Variants in SEMA3D observed in about 807,000 individuals in gnomAD.
SEMA3D encodes semaphorin-3D.
Under a neutral mutation model 100.1 loss-of-function variants are expected in SEMA3D, and 84 were observed. The ratio of observed to expected loss-of-function variants is 0.84; its 90% CI spans 0.70 to 1.01. The LOEUF (loss-of-function observed/expected upper bound fraction) is 1.01. Among genes scored for constraint, SEMA3D ranks in the 50% least tolerant of loss-of-function variants. The pLI is 0.00. For missense variants in SEMA3D, 875 were observed against 934.1 expected (o/e 0.94, Z 0.82); for synonymous variants, 312 against 320.7 (o/e 0.97, Z 0.29).
intron 9 of SEMA3D, among the ~76,000 whole-genome samples, chr7:85,044,747 GT>G (rs1336293164): frequency 6.6e-6 from 1 of 151,994 alleles, no homozygotes; most frequent in Non-Finnish European, 1.5e-5. Context: ...GTAAACCACA[GT>G]TTAAAATCTA....
chr7:85,001,559 T>C (rs914850688), intron 18 of SEMA3D, among the ~76,000 whole-genome samples: 4 of 152,106 alleles, frequency 2.6e-5, no homozygotes, highest in African/African-American at 9.7e-5. Flanking sequence ...ATAATTTCAT[T>C]GTAATTTTTT....
At chr7:85,155,158 T>G (rs1790551015) in intron 1 of SEMA3D, among the ~76,000 whole-genome samples, 1 of 152,102 alleles carries the variant, frequency 6.6e-6, no homozygotes, top group Non-Finnish European at 1.5e-5. Flanking sequence ...GACATTTGCT[T>G]TATTATCACA....
chr7:85,098,207 A>G lies in SEMA3D; in HGVS notation c.152-242T>C, dbSNP rs187450652. Among the ~76,000 whole-genome samples the G allele has an allele frequency of 4.6e-5, 7 of 151,980 alleles. No individual in the cohort carries two copies. The East Asian group carries it at 9.7e-4, about 21-fold the overall frequency. ...GAATACATACAGCATAAAAGGGCCA[A>G]TATAGCTATATGTAATTACAGTTTT... On this transcript the variant is annotated intron_variant, in intron 3 of 18. Coordinates refer to ENST00000284136, the MANE Select transcript of SEMA3D (RefSeq NM_001384900.1).
chr7:85,172,079 G>A (rs1437353451), intron 1 of SEMA3D, among the ~76,000 whole-genome samples: 3 of 151,774 alleles, frequency 2.0e-5, no homozygotes, highest in Non-Finnish European at 4.4e-5. Flanking sequence ...ACTAGAAAGA[G>A]TACAAGAAAC....
chr7:85,067,330 A>G (rs1252815625), intron 7 of SEMA3D, among the ~76,000 whole-genome samples: 1 of 152,118 alleles, frequency 6.6e-6, no homozygotes, highest in Non-Finnish European at 1.5e-5. Context: ...CATTTCACAG[A>G]GCAGAATCAC....
intron 1 of SEMA3D, among the ~76,000 whole-genome samples, chr7:85,162,741 A>G (rs1459638659): frequency 1.3e-5 from 2 of 152,158 alleles, no homozygotes; most frequent in African/African-American, 4.8e-5. Flanking sequence ...TCAAGTTTCC[A>G]GAAACTGAAA....
intron 6 of SEMA3D, among the ~76,000 whole-genome samples, chr7:85,069,364 G>A (rs1318704671): frequency 6.6e-6 from 1 of 152,026 alleles, no homozygotes; most frequent in African/African-American, 2.4e-5. Context: ...TAAATAGCCT[G>A]GTTAAAAATT....
chr7:85,249,008 T>C, the SEMA3D span, among the ~76,000 whole-genome samples: 3 of 152,174 alleles, frequency 2.0e-5, no homozygotes, highest in Non-Finnish European at 4.4e-5. Flanking sequence ...CAATGTAGTT[T>C]AATTAGTTGT....
At chr7:85,118,270 A>AT (rs1789302245) in intron 3 of SEMA3D, among the ~76,000 whole-genome samples, 1 of 152,046 alleles carries the variant, frequency 6.6e-6, no homozygotes, top group African/African-American at 2.4e-5. Flanking sequence ...TTTCTTTTAA[A>AT]TTCTTGAACA....
At chr7:85,028,279 G>T in intron 12 of SEMA3D, 1 of 694,474 alleles carries the variant, frequency 1.4e-6, no homozygotes, top group South Asian at 1.5e-5. Context: ...TTACTTGAAT[G>T]ACTCTCAGCA....
intron 12 of SEMA3D, among the ~76,000 whole-genome samples, chr7:85,023,732 C>G (rs1324956579): frequency 6.6e-6 from 1 of 151,774 alleles, no homozygotes; most frequent in Admixed American, 6.6e-5. Flanking sequence ...TCTTAGGGAG[C>G]TGAAGATACT....
intron 9 of SEMA3D, among the ~76,000 whole-genome samples, chr7:85,055,469 T>C (rs1791281139): frequency 6.6e-6 from 1 of 151,660 alleles, no homozygotes; most frequent in Non-Finnish European, 1.5e-5. Context: ...ACTGTAATGT[T>C]TGAAAAATGT....
intron 18 of SEMA3D, among the ~76,000 whole-genome samples, chr7:85,002,747 T>C (rs1483526544): frequency 6.6e-6 from 1 of 152,170 alleles, no homozygotes; most frequent in Non-Finnish European, 1.5e-5. Context: ...ATTTGCCTAA[T>C]GTGAACAAGG....
At chr7:85,024,652 CT>C in intron 12 of SEMA3D, among the ~76,000 whole-genome samples, 1 of 151,978 alleles carries the variant, frequency 6.6e-6, no homozygotes, top group Non-Finnish European at 1.5e-5. Flanking sequence ...CTTATGGCAG[CT>C]TTTCCTCATG....
In SEMA3D at chr7:84,999,532, G is replaced by C. The variant is rs1789594632; in HGVS notation, c.2242C>G (p.Pro748Ala). Residue 748 changes from proline (P) to alanine (A), a missense_variant, in exon 19 of 19, where the codon CCA becomes GCA. By Grantham distance (27) the Pro-to-Ala change is conservative (BLOSUM62 -1). Coordinates refer to ENST00000284136, the MANE Select transcript of SEMA3D (RefSeq NM_001384900.1). ...EKRRQRNKGG[P>A]KWKHMQEMKK... is the part of the protein sequence containing the mutation. Reference sequence around the variant, plus strand: ...ATTTCCTGCATGTGCTTCCACTTTGGGCCCCCCTTGTTTCTCTGTCTCCGC... The same window carrying C: ...ATTTCCTGCATGTGCTTCCACTTTGCGCCCCCCTTGTTTCTCTGTCTCCGC... The C allele has an allele frequency of 6.2e-7, 1 of 1,613,790 alleles. No individual in the cohort carries two copies. Among genetic ancestry groups the C allele is most frequent in the African/African-American group, 1.3e-5 (1 of 74,826 alleles).
At chr7:85,138,919 T>C (rs1320639325) in intron 2 of SEMA3D, among the ~76,000 whole-genome samples, 2 of 151,900 alleles carry the variant, frequency 1.3e-5, no homozygotes, top group African/African-American at 4.8e-5. Context: ...GATTTGGTTT[T>C]GGATATGCTC....
At chr7:85,214,987 A>G in the SEMA3D span, among the ~76,000 whole-genome samples, 1 of 152,080 alleles carries the variant, frequency 6.6e-6, no homozygotes, top group Admixed American at 6.6e-5. Flanking sequence ...TTTCCCTATC[A>G]AGGTTATTTA....
intron 2 of SEMA3D, among the ~76,000 whole-genome samples, chr7:85,128,265 T>G (rs1037978694): frequency 2.0e-5 from 3 of 152,046 alleles, no homozygotes; most frequent in Admixed American, 1.3e-4. Context: ...CATCTCTGGT[T>G]CAAGTGATTC....
intron 1 of SEMA3D, among the ~76,000 whole-genome samples, chr7:85,179,177 T>A (rs1791325450): frequency 1.3e-5 from 2 of 152,052 alleles, no homozygotes; most frequent in Non-Finnish European, 2.9e-5. Flanking sequence ...CACAAAGTAA[T>A]GGAGTAGTGG....
Sources: gnomAD v4.1 joint callset for allele counts (sites outside exome capture counted in the v4.1 genomes callset) on GRCh38, gnomAD v4.1.1 for gene constraint, MANE v1.5 for transcripts, NCBI Gene and HGNC (gene_info 2026-07-23, HGNC 2026-07-21) for gene names.